RBMS1: variants seen among roughly 807,000 people sequenced by gnomAD.
RBMS1 encodes the protein RNA binding motif single stranded interacting protein 1.
A neutral mutation model predicts 62.3 loss-of-function variants in RBMS1; 17 were observed. That is an observed-to-expected ratio of 0.27 (90% CI 0.19 to 0.41). The LOEUF (loss-of-function observed/expected upper bound fraction) is 0.41, where lower values mean the gene tolerates loss of function less well. Among genes scored for constraint, RBMS1 ranks in the 10% least tolerant of loss-of-function variants. The pLI, the probability that RBMS1 is intolerant of heterozygous loss-of-function variation, is 1.00. For synonymous variants in RBMS1, 172 were observed against 170.0 expected (o/e 1.01, Z -0.09); for missense variants, 334 against 504.5 (o/e 0.66, Z 3.24).
At chr2:160,350,175 C>T (rs931144271) in intron 2 of RBMS1, among the ~76,000 whole-genome samples, 3 of 151,960 alleles carry the variant, frequency 2.0e-5, no homozygotes, top group South Asian at 2.1e-4. Flanking sequence ...GACAGCCTGG[C>T]AACCGTGTCA....
At chr2:160,455,683 CTTT>C (rs67701380) in intron 1 of RBMS1, among the ~76,000 whole-genome samples, 8 of 127,178 alleles carry the variant, frequency 6.3e-5, no homozygotes, top group Admixed American at 1.7e-4. Flanking sequence ...CATTCCCAAG[CTTT>C]TTTTTTTTTT....
At chr2:160,331,293 G>C (rs1436173538) in intron 2 of RBMS1, among the ~76,000 whole-genome samples, 1 of 152,072 alleles carries the variant, frequency 6.6e-6, no homozygotes, top group African/African-American at 2.4e-5. Context: ...TTAATTTCCT[G>C]CCCTTTAAGA....
chr2:160,363,705 GAC>G (rs1693252603), intron 2 of RBMS1, among the ~76,000 whole-genome samples: 1 of 152,286 alleles, frequency 6.6e-6, no homozygotes, highest in African/African-American at 2.4e-5. Context: ...TTGGAAAAGA[GAC>G]AGTGTTGAGA....
chr2:160,360,821 C>T (rs1693088013), intron 2 of RBMS1, among the ~76,000 whole-genome samples: 1 of 152,190 alleles, frequency 6.6e-6, no homozygotes, highest in African/African-American at 2.4e-5. Context: ...GATGATAATA[C>T]TATCCTGTCT....
At chr2:160,285,811 T>C (rs1005886080) in intron 7 of RBMS1, among the ~76,000 whole-genome samples, 3 of 151,930 alleles carry the variant, frequency 2.0e-5, no homozygotes, top group Admixed American at 2.0e-4. Flanking sequence ...CCTATCTCTA[T>C]AAAAATTTTA....
intron 6 of RBMS1, among the ~76,000 whole-genome samples, chr2:160,287,790 T>C (rs938910570): frequency 1.3e-5 from 2 of 152,156 alleles, no homozygotes; most frequent in Non-Finnish European, 2.9e-5. Context: ...AGATGGCTGT[T>C]GTGAGAAAGC....
chr2:160,305,924 C>T (rs1689483634), intron 4 of RBMS1, among the ~76,000 whole-genome samples: 1 of 151,932 alleles, frequency 6.6e-6, no homozygotes, highest in Non-Finnish European at 1.5e-5. Flanking sequence ...CATTTGGGAC[C>T]AAGAGTTTGA....
chr2:160,307,409 CAT>C (rs1432787656), intron 4 of RBMS1, among the ~76,000 whole-genome samples: 6 of 116,232 alleles, frequency 5.2e-5, no homozygotes, highest in Non-Finnish European at 9.2e-5. Context: ...AGCCAAAAAA[CAT>C]ATGAGGATTT....
At chr2:160,385,633 G>C (rs1383570057) in intron 1 of RBMS1, among the ~76,000 whole-genome samples, 1 of 152,182 alleles carries the variant, frequency 6.6e-6, no homozygotes, top group Non-Finnish European at 1.5e-5. Context: ...GATGTGACGT[G>C]ATGAAATGCT....
At chr2:160,367,585 G>T (rs1693479696) in intron 1 of RBMS1, 194 bp from the exon 2 acceptor site, 2 of 1,040,664 alleles carry the variant, frequency 1.9e-6, no homozygotes, top group Non-Finnish European at 2.6e-6. Context: ...TGATAATAGG[G>T]TTTACTAAGT....
At chr2:160,339,940 T>C (rs752666959) in intron 2 of RBMS1, among the ~76,000 whole-genome samples, 3 of 152,212 alleles carry the variant, frequency 2.0e-5, no homozygotes, top group Non-Finnish European at 4.4e-5. Context: ...CAGGTTCTGA[T>C]GTCTCAGTCA....
chr2:160,312,074 G>A (rs185275305), intron 4 of RBMS1, among the ~76,000 whole-genome samples: 10 of 152,278 alleles, frequency 6.6e-5, no homozygotes, highest in Admixed American at 3.3e-4. Flanking sequence ...GGCCATGCCC[G>A]TTTGAAAGTG....
intron 2 of RBMS1, among the ~76,000 whole-genome samples, chr2:160,364,765 C>A (rs913846154): frequency 2.0e-5 from 3 of 152,160 alleles, no homozygotes; most frequent in Non-Finnish European, 4.4e-5. Flanking sequence ...ACTGGGCCAC[C>A]ATGATAAACA....
intron 6 of RBMS1, among the ~76,000 whole-genome samples, chr2:160,289,550 TGTCCA>T (rs1020040921): frequency 2.6e-5 from 4 of 152,196 alleles, no homozygotes; most frequent in African/African-American, 9.7e-5. Context: ...TTTAACTTAA[TGTCCA>T]CTATGTGCCA....
intron 2 of RBMS1, among the ~76,000 whole-genome samples, chr2:160,327,636 T>C (rs1223591109): frequency 6.6e-6 from 1 of 152,168 alleles, no homozygotes; most frequent in Non-Finnish European, 1.5e-5. Context: ...CATTATCTTA[T>C]GACAATATTT....
At chr2:160,333,964 T>C (rs944786871) in intron 2 of RBMS1, among the ~76,000 whole-genome samples, 5 of 152,126 alleles carry the variant, frequency 3.3e-5, no homozygotes, top group African/African-American at 1.2e-4. Flanking sequence ...TCATTTTAAA[T>C]GCATGAAAAC....
At chr2:160,405,302 T>C (rs1037828405) in intron 1 of RBMS1, among the ~76,000 whole-genome samples, 1 of 152,040 alleles carries the variant, frequency 6.6e-6, no homozygotes, top group Non-Finnish European at 1.5e-5. Context: ...CTCTAACAGC[T>C]GATTATGTAT....
chr2:160,336,247 A>C (rs1463658403), intron 2 of RBMS1, among the ~76,000 whole-genome samples: 2 of 152,218 alleles, frequency 1.3e-5, no homozygotes, highest in Non-Finnish European at 2.9e-5. Flanking sequence ...ATTTCTCCTA[A>C]GAAAATTATT....
chr2:160,441,650 A>G (rs1161546749), intron 1 of RBMS1, among the ~76,000 whole-genome samples: 1 of 152,226 alleles, frequency 6.6e-6, no homozygotes, highest in Non-Finnish European at 1.5e-5. Context: ...TCTTGAGCCC[A>G]AGATTTGAGG....
Sources: gnomAD v4.1 joint callset for allele counts (sites outside exome capture counted in the v4.1 genomes callset) on GRCh38, gnomAD v4.1.1 for gene constraint, MANE v1.5 for transcripts, NCBI Gene and HGNC (gene_info 2026-07-23, HGNC 2026-07-21) for gene names.